GRIN2D: variants seen among roughly 807,000 people sequenced by gnomAD.
GRIN2D encodes the protein glutamate ionotropic receptor NMDA type subunit 2D.
In GRIN2D, 37 loss-of-function variants were observed where a neutral mutation model predicts 103.2. The observed-to-expected ratio is 0.36, with a 90% CI of 0.28 to 0.47. GRIN2D has a LOEUF of 0.47. Among genes scored for constraint, GRIN2D ranks in the 20% least tolerant of loss-of-function variants. The pLI, the probability that GRIN2D is intolerant of heterozygous loss-of-function variation, is 1.00. For missense variants in GRIN2D, 1,557 were observed against 1,910.6 expected (o/e 0.81, Z 3.45); for synonymous variants, 845 against 885.6 (o/e 0.95, Z 0.81).
intron 2 of GRIN2D, among the ~76,000 whole-genome samples, chr19:48,398,087 CCT>C (rs754651089): frequency 9.9e-5 from 15 of 151,390 alleles, no homozygotes; most frequent in Non-Finnish European, 1.9e-4. Flanking sequence ...TCCGTCTCCC[CCT>C]CTCTCTCCCC....
chr19:48,418,096 C>T (rs923678307), intron 8 of GRIN2D, among the ~76,000 whole-genome samples: 5 of 149,348 alleles, frequency 3.3e-5, no homozygotes, highest in East Asian at 4.0e-4. Context: ...TGCAGTGGCA[C>T]GATCTCAGCT....
chr19:48,414,884 G>A lies in GRIN2D; in HGVS notation c.1433G>A (p.Arg478His). Residue 478 changes from arginine to histidine, a missense_variant, in exon 7 of 14, where the codon CGC becomes CAC. This residue lies in a region of GRIN2D where 197 missense variants were observed against 334.1 expected (regional missense o/e 0.59). Coordinates refer to ENST00000263269, the MANE Select transcript of GRIN2D (RefSeq NM_000836.4). This position sits in a 1 kb window ranked among gnomAD's most constrained non-coding sequence, Gnocchi z 4.6. ...RTHSPPPDAPRPEKRCCKGFC... is the reference protein window; with the variant it reads ...RTHSPPPDAPHPEKRCCKGFC... ...CGCAGCCCTCCACCGGATGCCCCCCGCCCGGAAAAGCGCTGCTGCAAGGGT... is the reference window on the plus strand; with the variant it reads ...CGCAGCCCTCCACCGGATGCCCCCCACCCGGAAAAGCGCTGCTGCAAGGGT... 1 of 1,614,046 alleles carries A rather than the reference G, an allele frequency of 6.2e-7. No homozygotes were observed. Among genetic ancestry groups the A allele is most frequent in the Non-Finnish European group, 8.5e-7 (1 of 1,180,026 alleles).
At chr19:48,396,149 G>A (rs1042454262) in intron 2 of GRIN2D, among the ~76,000 whole-genome samples, 1 of 152,056 alleles carries the variant, frequency 6.6e-6, no homozygotes, top group Non-Finnish European at 1.5e-5. Context: ...AAGTGGAAAC[G>A]GAGGCTCATG....
In GRIN2D at chr19:48,442,917, T is replaced by C; in HGVS notation, c.2991T>C (p.Ala997=). The change falls in exon 14 of 14, where the codon GCT becomes GCC. Residue 997 remains alanine (A), a synonymous_variant. Transcript: ENST00000263269. This position sits in a 1 kb window ranked among gnomAD's most constrained non-coding sequence, Gnocchi z 7.2. ...AAGRPLSPPA[A]QPPQKPPPSY... ...GGCGCCCGCTGTCCCCGCCGGCCGC[T>C]CAGCCCCCGCAGAAGCCGCCGCCCT... The C allele has an allele frequency of 1.8e-6, 2 of 1,108,714 alleles. No homozygotes were observed. The highest frequency in any genetic ancestry group is 2.2e-6 in the Non-Finnish European group (2 of 908,700). The allele number at this position is 1,108,714 out of a possible 1,614,324, so 68.7% of individuals were successfully genotyped here. A position where few individuals can be genotyped will look rare whatever the true frequency, so the allele number is the denominator to read the frequency against.
At chr19:48,412,307 C>T (rs765031570) in intron 4 of GRIN2D, among the ~76,000 whole-genome samples, 4 of 148,172 alleles carry the variant, frequency 2.7e-5, no homozygotes, top group Non-Finnish European at 4.5e-5. Flanking sequence ...CCAGCCTGGG[C>T]GACAGAGCGA....
At chr19:48,395,090 C>G (rs1970621812) in intron 2 of GRIN2D, among the ~76,000 whole-genome samples, 154 bp downstream of exon 2, 1 of 151,700 alleles carries the variant, frequency 6.6e-6, no homozygotes, top group African/African-American at 2.4e-5. Context: ...CCCTCAGGGA[C>G]TCTCCTCCAC....
chr19:48,398,674 G>T lies in GRIN2D; in HGVS notation c.282G>T (p.Ser94=). Residue 94 remains serine (S), a synonymous_variant, in exon 3 of 14, where the codon TCG becomes TCT. Transcript: ENST00000263269. ...CCGTGGCGCTGGTGCTCAACGGCTC[G>T]GACCCGCGCAGCCTCGTGCTGCAGC... The part of the protein sequence containing the change: ...VRPVALVLNG[S]DPRSLVLQLC... 6.9e-7 allele frequency: 1 copy of T among 1,453,738 alleles called. No individual in the cohort carries two copies. Among genetic ancestry groups the T allele is most frequent in the Non-Finnish European group, 9.0e-7 (1 of 1,106,576 alleles). 90.1% of individuals were successfully genotyped at this position (1,453,738 alleles called of 1,614,324 possible).
chr19:48,428,673 T>C (rs1041362874), intron 11 of GRIN2D, among the ~76,000 whole-genome samples: 5 of 152,120 alleles, frequency 3.3e-5, no homozygotes, highest in Admixed American at 6.6e-5. Context: ...CAAGTTCCCC[T>C]TTTTATAAGG....
chr19:48,420,100 G>T (rs943241175), intron 10 of GRIN2D, among the ~76,000 whole-genome samples: 4 of 152,108 alleles, frequency 2.6e-5, no homozygotes, highest in Non-Finnish European at 5.9e-5. Context: ...TCTAGAACCA[G>T]TGCTTCTCTC....
intron 11 of GRIN2D, among the ~76,000 whole-genome samples, chr19:48,435,637 G>T (rs1356971383): frequency 6.6e-6 from 1 of 152,122 alleles, no homozygotes; most frequent in African/African-American, 2.4e-5. Context: ...TAGAGATGGG[G>T]TTTCACTATG....
chr19:48,443,687 G>A lies in GRIN2D; in HGVS notation c.3761G>A (p.Arg1254Gln), dbSNP rs1419781537. 4 of 1,228,382 alleles carry A rather than the reference G, an allele frequency of 3.3e-6. No homozygotes were observed. The highest frequency in any genetic ancestry group is 4.0e-6 in the Non-Finnish European group (4 of 988,534). The allele number at this position is 1,228,382 out of a possible 1,614,324, so 76.1% of individuals were successfully genotyped here. A position where few individuals can be genotyped will look rare whatever the true frequency, so the allele number is the denominator to read the frequency against. ...GCCGCGCCCCACCACCACAGGCACC[G>A]GCGCGCCGCTGGGGGCTGGGACCTC... ...AAAAPHHHRH[R>Q]RAAGGWDLPP... is the part of the protein sequence containing the mutation. The change falls in exon 14 of 14, where the codon CGG becomes CAG. Residue 1254 changes from arginine to glutamine, a missense_variant. By Grantham distance (43) the Arg-to-Gln change is conservative (BLOSUM62 1). Coordinates refer to ENST00000263269, the MANE Select transcript of GRIN2D (RefSeq NM_000836.4). The surrounding 1 kb of genome is among the most constrained non-coding windows in gnomAD (Gnocchi z 8.9).
rs535122471 is a variant in GRIN2D at position 48,426,764 on chromosome 19, T to C, written c.2252+4819T>C. Among the ~76,000 whole-genome samples, 5 of 151,794 alleles carry C rather than the reference T, an allele frequency of 3.3e-5. No individual in the cohort carries two copies. The East Asian group carries it at 9.8e-4, about 30-fold the overall frequency. On this transcript the variant is annotated intron_variant, in intron 11 of 13. Coordinates refer to ENST00000263269, the MANE Select transcript of GRIN2D (RefSeq NM_000836.4). ...CATGCCCGGCTAATTTTTGTATTTT[T>C]AGTAAAGACGGGGTCTCACCATGTT... is the stretch of plus-strand genomic sequence containing the variant.
chr19:48,428,250 T>A (rs1971111577), intron 11 of GRIN2D, among the ~76,000 whole-genome samples: 1 of 151,956 alleles, frequency 6.6e-6, no homozygotes. Context: ...TTGGCCAGGC[T>A]GGTCTCGAAC....
chr19:48,444,182 T>A lies in GRIN2D; in HGVS notation c.*245T>A. 1 of 380,054 alleles carries A rather than the reference T, an allele frequency of 2.6e-6. No homozygotes were observed. 23.5% of individuals were successfully genotyped at this position (380,054 alleles called of 1,614,324 possible). On this transcript the variant is annotated 3_prime_UTR_variant, in exon 14 of 14. Coordinates refer to ENST00000263269, the MANE Select transcript of GRIN2D (RefSeq NM_000836.4). The surrounding 1 kb of genome is among the most constrained non-coding windows in gnomAD (Gnocchi z 5.5). ...GGCCTTGGAGCCCACCGGACTTTTTTTTAAACCCGACAAGGGCTTTTTAAC... is the reference window on the plus strand; with the variant it reads ...GGCCTTGGAGCCCACCGGACTTTTTATTAAACCCGACAAGGGCTTTTTAAC...
chr19:48,438,287 C>CTTTTTTTTTTTTTT lies in GRIN2D; in HGVS notation c.2253-3466_2253-3453dup, dbSNP rs71181697. 1.5e-3 allele frequency among the ~76,000 whole-genome samples: 87 copies of CTTTTTTTTTTTTTT among 57,754 alleles called. 12 individuals are homozygous for CTTTTTTTTTTTTTT. The highest frequency in any genetic ancestry group is 3.7e-3 in the African/African-American group (49 of 13,224). 37.9% of individuals were successfully genotyped at this position (57,754 alleles called of 152,430 possible). A position where few individuals can be genotyped will look rare whatever the true frequency, so the allele number is the denominator to read the frequency against. Reference sequence around the variant, plus strand: ...TCTCTTCAACTCAGCATCCAGCCGCCTTTTTTTTTTTTTTTTTTTTTTTTT... The same window carrying CTTTTTTTTTTTTTT: ...TCTCTTCAACTCAGCATCCAGCCGCCTTTTTTTTTTTTTTTTTTTTTTTTTTTTTTTTTTTTTTT... On this transcript the variant is annotated intron_variant, in intron 11 of 13. Transcript: ENST00000263269.
rs1970591352 is a variant in GRIN2D at position 48,393,676 on chromosome 19, TGAG to T, written c.-497_-495del. ...GACTGAATGTTAATCGCATCCCGAGTGAGTGTGTGTGTGCGAGAACACAGCGAG... is the reference window on the plus strand; with the variant it reads ...GACTGAATGTTAATCGCATCCCGAGTTGTGTGTGTGCGAGAACACAGCGAG... On this transcript the variant is annotated 5_prime_UTR_variant, in exon 1 of 14. Transcript: ENST00000263269. The surrounding 1 kb of genome is among the most constrained non-coding windows in gnomAD (Gnocchi z 5.6). Among the ~76,000 whole-genome samples, 3 of 149,184 alleles carry T rather than the reference TGAG, an allele frequency of 2.0e-5. No homozygotes were observed. Among genetic ancestry groups the T allele is most frequent in the Admixed American group, 2.0e-4 (3 of 15,130 alleles).
At position 48,405,439 on chromosome 19, in the gene GRIN2D, G is replaced by A; in HGVS notation, c.1085+86G>A. 1 of 1,293,026 alleles carries A rather than the reference G, an allele frequency of 7.7e-7. No individual in the cohort carries two copies. Among genetic ancestry groups the A allele is most frequent in the Non-Finnish European group, 1.0e-6 (1 of 971,262 alleles). The allele number at this position is 1,293,026 out of a possible 1,614,324, so 80.1% of individuals were successfully genotyped here. ...TTCACTGAATGAGTGGCTCAAATGG[G>A]CCACATCTGCTCTTTGAGCCTCAGT... On this transcript the variant is annotated intron_variant, in intron 4 of 13. Coordinates refer to ENST00000263269, the MANE Select transcript of GRIN2D (RefSeq NM_000836.4). This position sits in a 1 kb window ranked among gnomAD's most constrained non-coding sequence, Gnocchi z 5.1.
intron 4 of GRIN2D, among the ~76,000 whole-genome samples, chr19:48,412,713 C>T (rs138589121): frequency 0.012 from 1,760 of 150,652 alleles, 28 homozygotes; most frequent in African/African-American, 0.041. Context: ...TGCTTGAACC[C>T]GGGAGGCGGA....
Position 48,442,921 on chromosome 19 carries a change from C to G in GRIN2D, c.2995C>G (p.Pro999Ala). 1 of 1,125,046 alleles carries G rather than the reference C, an allele frequency of 8.9e-7. No individual in the cohort carries two copies. 69.7% of individuals were successfully genotyped at this position (1,125,046 alleles called of 1,614,324 possible). A position where few individuals can be genotyped will look rare whatever the true frequency, so the allele number is the denominator to read the frequency against. Residue 999 changes from proline to alanine, a missense_variant, in exon 14 of 14, where the codon CCC becomes GCC. Pro to Ala is a conservative substitution (Grantham distance 27). This residue lies in a region of GRIN2D where 632 missense variants were observed against 572.8 expected (regional missense o/e 1.10). Coordinates refer to ENST00000263269, the MANE Select transcript of GRIN2D (RefSeq NM_000836.4). This position sits in a 1 kb window ranked among gnomAD's most constrained non-coding sequence, Gnocchi z 7.2. ...CCCGCTGTCCCCGCCGGCCGCTCAG[C>G]CCCCGCAGAAGCCGCCGCCCTCCTA... ...GRPLSPPAAQ[P>A]PQKPPPSYFA...
Sources: gnomAD v4.1 joint callset for allele counts (sites outside exome capture counted in the v4.1 genomes callset) on GRCh38, gnomAD v4.1.1 for gene constraint, gnomAD v4.1.1 regional missense constraint, Gnocchi (gnomAD v3.1) non-coding constraint, MANE v1.5 for transcripts, NCBI Gene and HGNC (gene_info 2026-07-23, HGNC 2026-07-21) for gene names.